Variants in FAM169A observed in about 807,000 individuals in gnomAD.
FAM169A encodes soluble lamin-associated protein of 75 kDa.
FAM169A carries 24 observed loss-of-function variants against 75.7 expected under a neutral mutation model. The observed-to-expected ratio is 0.32, with a 90% CI of 0.23 to 0.45. The LOEUF is 0.45. Ranked by LOEUF, FAM169A falls within the 20% of genes least tolerant of loss-of-function variation. FAM169A has a pLI of 1.00. For synonymous variants in FAM169A, 271 were observed against 271.0 expected, an observed-to-expected ratio of 1.00 and a Z score of 0.00; for missense variants, 673 against 784.0, an observed-to-expected ratio of 0.86 and a Z score of 1.69.
chr5:74,826,092 T>C (rs942545799), intron 5 of FAM169A, among the ~76,000 whole-genome samples: 4 of 152,184 alleles, frequency 2.6e-5, no homozygotes, highest in Admixed American at 2.6e-4. Flanking sequence ...TGTTTTTTGT[T>C]GTTTCTGCAC....
At position 74,781,724 on chromosome 5, in the gene FAM169A, AGAT is replaced by A; in HGVS notation, c.1746_1748del (p.Ser583del). 1 of 1,614,160 alleles carries A rather than the reference AGAT, an allele frequency of 6.2e-7. No individual in the cohort carries two copies. The highest frequency in any genetic ancestry group is 8.5e-7 in the Non-Finnish European group (1 of 1,180,010). ...TCAAAGAACTCTGAGGAAGAGCAGT[AGAT>A]GTTTCCTGGGGCTCAGATACCCCCT... On this transcript the variant is annotated inframe_deletion, in exon 13 of 13. Coordinates refer to ENST00000687041, the MANE Select transcript of FAM169A (RefSeq NM_001376049.1).
At chr5:74,786,573 C>A (rs1008457800) in intron 11 of FAM169A, among the ~76,000 whole-genome samples, 4 of 152,154 alleles carry the variant, frequency 2.6e-5, no homozygotes, top group African/African-American at 9.7e-5. Flanking sequence ...ATACCTTTGA[C>A]CATATGGAGA....
chr5:74,848,571 C>G (rs1249737525), intron 1 of FAM169A: 1 of 152,098 alleles, frequency 6.6e-6, no homozygotes, highest in Non-Finnish European at 1.5e-5. Flanking sequence ...AATTCTGTGA[C>G]CTTGGCTCTG....
chr5:74,779,075 G>C lies in FAM169A; in HGVS notation c.*2385C>G, dbSNP rs947580739. 1.3e-5 allele frequency: 2 copies of C among 152,088 alleles called. No individual in the cohort carries two copies. Among genetic ancestry groups the C allele is most frequent in the Admixed American group, 1.3e-4 (2 of 15,270 alleles). 9.4% of individuals were successfully genotyped at this position (152,088 alleles called of 1,614,324 possible). ...CCAAAATAACAATTTCTGTCAGAGA[G>C]AATCTGTAACAGAAGTGTTCTTGTG... is the stretch of plus-strand genomic sequence containing the variant. On this transcript the variant is annotated 3_prime_UTR_variant, in exon 13 of 13. Coordinates refer to ENST00000687041, the MANE Select transcript of FAM169A (RefSeq NM_001376049.1).
chr5:74,826,574 T>C (rs72764675), intron 5 of FAM169A, among the ~76,000 whole-genome samples: 22,243 of 152,188 alleles, frequency 0.15, 1,875 homozygotes, highest in African/African-American at 0.23. Context: ...TATCTAAAAA[T>C]TTTCATCTAA....
intron 1 of FAM169A, among the ~76,000 whole-genome samples, chr5:74,846,047 C>T (rs1749139722): frequency 6.6e-6 from 1 of 152,042 alleles, no homozygotes; most frequent in Admixed American, 6.6e-5. Context: ...ACTAGGAAAA[C>T]AGAACGTAAT....
rs750388272 is a variant in FAM169A at position 74,805,222 on chromosome 5, C to T, written c.733G>A (p.Val245Ile). 3 of 1,613,504 alleles carry T rather than the reference C, an allele frequency of 1.9e-6. No individual in the cohort carries two copies. ...GGTATTCGCTGGTACCAGTGTCCAA[C>T]ACCTTCAACTTCCCAAAGGAGTTCA... is the stretch of plus-strand genomic sequence containing the variant. The part of the protein sequence containing the change: ...DHELLWEVEG[V>I]GHWYQRIPVT... The change falls in exon 7 of 13, where the codon GTT (valine) becomes ATT (isoleucine). Residue 245 changes from valine (V) to isoleucine (I), a missense_variant. Transcript: ENST00000687041.
chr5:74,861,267 T>G (rs1249651098), intron 1 of FAM169A, among the ~76,000 whole-genome samples: 1 of 152,242 alleles, frequency 6.6e-6, no homozygotes, highest in African/African-American at 2.4e-5. Context: ...CCTTGGTTAT[T>G]CCACTTGCTC....
chr5:74,841,455 C>CATTA (rs1186522532), intron 2 of FAM169A, 90 bp downstream of exon 2: 2 of 982,702 alleles, frequency 2.0e-6, no homozygotes, highest in Non-Finnish European at 2.9e-6. Flanking sequence ...TAATGATTAA[C>CATTA]ACTTAAAATG....
At chr5:74,795,695 G>C (rs760932221) in intron 11 of FAM169A, among the ~76,000 whole-genome samples, 1 of 152,106 alleles carries the variant, frequency 6.6e-6, no homozygotes, top group Non-Finnish European at 1.5e-5. Flanking sequence ...GTTCTATAAG[G>C]TAGATCTTAT....
At chr5:74,861,204 A>G (rs930708267) in intron 1 of FAM169A, among the ~76,000 whole-genome samples, 4 of 152,188 alleles carry the variant, frequency 2.6e-5, no homozygotes, top group African/African-American at 7.2e-5. Flanking sequence ...GTGCATTTAG[A>G]CTTCAAGGAA....
At chr5:74,791,869 C>T (rs1561289866) in intron 11 of FAM169A, among the ~76,000 whole-genome samples, 2 of 152,226 alleles carry the variant, frequency 1.3e-5, no homozygotes, top group South Asian at 2.1e-4. Context: ...ACTCCAGCTT[C>T]GACCACGTGA....
At chr5:74,793,474 G>C (rs777837842) in intron 11 of FAM169A, among the ~76,000 whole-genome samples, 1 of 152,092 alleles carries the variant, frequency 6.6e-6, no homozygotes, top group Admixed American at 6.6e-5. Context: ...ACCAAACATC[G>C]TATGTTCTCA....
chr5:74,856,605 T>C (rs1749718429), intron 1 of FAM169A, among the ~76,000 whole-genome samples: 1 of 152,074 alleles, frequency 6.6e-6, no homozygotes, highest in African/African-American at 2.4e-5. Context: ...CATTGCACTA[T>C]AGTTTTTTAA....
At chr5:74,798,760 T>C (rs1197948803) in intron 10 of FAM169A, among the ~76,000 whole-genome samples, 1 of 152,238 alleles carries the variant, frequency 6.6e-6, no homozygotes, top group Non-Finnish European at 1.5e-5. Flanking sequence ...TCAAGTGTTC[T>C]GTTGATTCAG....
intron 6 of FAM169A, 93 bp from the exon 7 acceptor site, chr5:74,805,377 G>A (rs1746812746): frequency 3.4e-6 from 4 of 1,163,830 alleles, no homozygotes; most frequent in East Asian, 2.4e-5. Context: ...CTCACTTAAC[G>A]GGGCTAGCAT....
In FAM169A at chr5:74,779,219, T is replaced by C. The variant is rs1048531027; in HGVS notation, c.*2241A>G. The stretch of plus-strand genomic sequence containing the variant: ...TGGTCATATATGATTAATAAACATT[T>C]TTTGTAAACTCAACTATATTCACAC... On this transcript the variant is annotated 3_prime_UTR_variant, in exon 13 of 13. Coordinates refer to ENST00000687041, the MANE Select transcript of FAM169A (RefSeq NM_001376049.1). 1 of 152,162 alleles carries C rather than the reference T, an allele frequency of 6.6e-6. No homozygotes were observed. The highest frequency in any genetic ancestry group is 1.5e-5 in the Non-Finnish European group (1 of 67,996). 9.4% of individuals were successfully genotyped at this position (152,162 alleles called of 1,614,324 possible).
chr5:74,845,758 G>A (rs192728122), intron 1 of FAM169A, among the ~76,000 whole-genome samples: 1 of 152,136 alleles, frequency 6.6e-6, no homozygotes, highest in East Asian at 1.9e-4. Context: ...CTTTTCAAAA[G>A]CCTATGAATT....
chr5:74,839,581 A>T (rs1056966178), intron 3 of FAM169A, among the ~76,000 whole-genome samples: 1 of 149,362 alleles, frequency 6.7e-6, no homozygotes, highest in Admixed American at 6.7e-5. Context: ...CTAGAGTGCA[A>T]TGGTGTGATC....
Sources: gnomAD v4.1 joint callset for allele counts (sites outside exome capture counted in the v4.1 genomes callset) on GRCh38, gnomAD v4.1.1 for gene constraint, MANE v1.5 for transcripts, NCBI Gene and HGNC (gene_info 2026-07-23, HGNC 2026-07-21) for gene names.